The following PTPRD variants were observed in gnomAD, a reference collection of about 807,000 sequenced individuals.
PTPRD encodes the protein protein tyrosine phosphatase receptor type D, also known as receptor-type tyrosine-protein phosphatase delta.
In PTPRD, 34 loss-of-function variants were observed where a neutral mutation model predicts 214.5. The ratio of observed to expected loss-of-function variants is 0.16; its 90% CI spans 0.12 to 0.21. The LOEUF (loss-of-function observed/expected upper bound fraction) is 0.21, where lower values mean the gene tolerates loss of function less well. Ranked by LOEUF, PTPRD falls within the 10% of genes least tolerant of loss-of-function variation. PTPRD has a pLI of 1.00. For synonymous variants in PTPRD, 1,128 were observed against 845.7 expected, an observed-to-expected ratio of 1.33 and a Z score of -5.79; for missense variants, 2,545 against 2,398.7, an observed-to-expected ratio of 1.06 and a Z score of -1.27.
intron 2 of PTPRD, among the ~76,000 whole-genome samples, chr9:10,520,512 A>C (rs2382218): frequency 1.3e-5 from 2 of 152,234 alleles, no homozygotes; most frequent in African/African-American, 4.8e-5. Context: ...GTTATCCAGA[A>C]GATCTAGCTA....
At chr9:10,039,973 T>C (rs1428442826) in intron 3 of PTPRD, among the ~76,000 whole-genome samples, 1 of 152,092 alleles carries the variant, frequency 6.6e-6, no homozygotes, top group Non-Finnish European at 1.5e-5. Context: ...GCCATTCTCC[T>C]AAATTGCCTT....
intron 14 of PTPRD, among the ~76,000 whole-genome samples, chr9:8,575,448 G>A (rs889658925): frequency 2.0e-5 from 3 of 152,038 alleles, no homozygotes; most frequent in Non-Finnish European, 4.4e-5. Flanking sequence ...ATTCATATGT[G>A]CTGGTGAACT....
intron 10 of PTPRD, among the ~76,000 whole-genome samples, chr9:9,087,823 T>C (rs2099769377): frequency 6.7e-6 from 1 of 149,918 alleles, no homozygotes; most frequent in Admixed American, 6.7e-5. Flanking sequence ...CTCAACACAA[T>C]CGCTTGATGT....
chr9:9,349,032 C>A (rs930589147), intron 9 of PTPRD, among the ~76,000 whole-genome samples: 3 of 151,902 alleles, frequency 2.0e-5, no homozygotes, highest in African/African-American at 7.3e-5. Context: ...TATTTTGTAG[C>A]CAATTACTAT....
At chr9:9,274,781 T>C (rs1178204113) in intron 9 of PTPRD, among the ~76,000 whole-genome samples, 1 of 150,600 alleles carries the variant, frequency 6.6e-6, no homozygotes, top group African/African-American at 2.4e-5. Flanking sequence ...TTTGTGAATA[T>C]TAGCTATTAT....
Position 9,755,124 on chromosome 9 carries a change from C to A in PTPRD, c.-326+11686G>T, listed in dbSNP as rs182852271. 4.9e-3 allele frequency among the ~76,000 whole-genome samples: 742 copies of A among 151,960 alleles called. 3 individuals are homozygous for A. The highest frequency in any genetic ancestry group is 6.8e-3 in the Middle Eastern group (2 of 294). On this transcript the variant is annotated intron_variant, in intron 6 of 45. Coordinates refer to ENST00000381196, the MANE Select transcript of PTPRD (RefSeq NM_002839.4). ...TATTAAACAAGATCTCCAGATGATTCCTATAATCACTCAGGTTTGAGAACC... is the reference window on the plus strand; with the variant it reads ...TATTAAACAAGATCTCCAGATGATTACTATAATCACTCAGGTTTGAGAACC...
At chr9:8,677,005 G>A (rs907800925) in intron 12 of PTPRD, among the ~76,000 whole-genome samples, 5 of 152,130 alleles carry the variant, frequency 3.3e-5, no homozygotes, top group Admixed American at 6.5e-5. Flanking sequence ...GAAATTAATC[G>A]TTTCATTTAG....
chr9:9,689,509 A>G (rs910944289), intron 7 of PTPRD, among the ~76,000 whole-genome samples: 6 of 151,822 alleles, frequency 4.0e-5, no homozygotes, highest in Non-Finnish European at 8.8e-5. Context: ...CTTATTCTCT[A>G]CTATTTTGAA....
intron 5 of PTPRD, among the ~76,000 whole-genome samples, chr9:9,780,976 A>G (rs992681926): frequency 2.6e-5 from 4 of 152,218 alleles, no homozygotes; most frequent in Non-Finnish European, 5.9e-5. Context: ...ACTTTCTGTA[A>G]TAAGCAAAGC....
chr9:8,755,927 G>A (rs550287990), intron 11 of PTPRD, among the ~76,000 whole-genome samples: 1 of 152,312 alleles, frequency 6.6e-6, no homozygotes, highest in Non-Finnish European at 1.5e-5. Context: ...ACAGCAATAT[G>A]TAATATTAGT....
intron 11 of PTPRD, among the ~76,000 whole-genome samples, chr9:8,735,458 G>C (rs942579724): frequency 6.6e-6 from 1 of 152,044 alleles, no homozygotes; most frequent in Non-Finnish European, 1.5e-5. Context: ...AAAGTGCTAG[G>C]ATTACAGGAC....
chr9:10,013,961 A>T (rs540583964), intron 4 of PTPRD, among the ~76,000 whole-genome samples: 145 of 152,008 alleles, frequency 9.5e-4, no homozygotes, highest in African/African-American at 3.3e-3. Flanking sequence ...ACAAAGGACA[A>T]ATCTGTAATT....
intron 11 of PTPRD, among the ~76,000 whole-genome samples, chr9:8,908,974 A>G (rs1240507504): frequency 2.0e-5 from 3 of 150,062 alleles, no homozygotes; most frequent in Admixed American, 6.7e-5. Context: ...ATTATGTATA[A>G]TTACATATGA....
At chr9:10,226,826 T>C (rs1433090831) in intron 3 of PTPRD, among the ~76,000 whole-genome samples, 1 of 152,060 alleles carries the variant, frequency 6.6e-6, no homozygotes, top group East Asian at 1.9e-4. Context: ...TTATGTTTTT[T>C]CCACTACGTC....
chr9:8,548,141 G>A (rs2080819560), intron 14 of PTPRD, among the ~76,000 whole-genome samples: 1 of 152,152 alleles, frequency 6.6e-6, no homozygotes, highest in African/African-American at 2.4e-5. Context: ...GGGCCTTCAA[G>A]GCACAGGGAA....
At chr9:8,444,992 C>T (rs1399529706) in intron 34 of PTPRD, among the ~76,000 whole-genome samples, 2 of 152,116 alleles carry the variant, frequency 1.3e-5, no homozygotes, top group African/African-American at 2.4e-5. Context: ...ATATTTTCTT[C>T]CCTTCTTCCA....
At chr9:10,482,313 G>T (rs1219600916) in intron 2 of PTPRD, among the ~76,000 whole-genome samples, 2 of 152,008 alleles carry the variant, frequency 1.3e-5, no homozygotes, top group Admixed American at 6.5e-5. Context: ...GGAGCTTACA[G>T]TGAGCCGAGA....
At chr9:9,961,124 T>C (rs2094334217) in intron 4 of PTPRD, among the ~76,000 whole-genome samples, 1 of 152,144 alleles carries the variant, frequency 6.6e-6, no homozygotes, top group Non-Finnish European at 1.5e-5. Context: ...TTAAATGAAT[T>C]ACTGATATCA....
chr9:10,238,341 T>C (rs1175906310), intron 3 of PTPRD, among the ~76,000 whole-genome samples: 6 of 151,798 alleles, frequency 4.0e-5, no homozygotes. Flanking sequence ...CCCACCACCA[T>C]CTCTTACCAA....
Sources: allele counts gnomAD v4.1 joint callset (sites outside exome capture counted in the v4.1 genomes callset), GRCh38; gene constraint gnomAD v4.1.1; transcripts MANE v1.5; gene names NCBI Gene and HGNC (gene_info 2026-07-23, HGNC 2026-07-21).